Variants in NLGN1 observed in about 807,000 individuals in gnomAD.
NLGN1 encodes the protein neuroligin 1, also known as neuroligin-1.
A neutral mutation model predicts 65.5 loss-of-function variants in NLGN1; 12 were observed. The observed-to-expected ratio is 0.18, with a 90% CI of 0.12 to 0.30. The LOEUF (loss-of-function observed/expected upper bound fraction) is 0.30, where lower values mean the gene tolerates loss of function less well. Among genes scored for constraint, NLGN1 ranks in the 10% least tolerant of loss-of-function variants. The pLI is 1.00. For missense variants in NLGN1, 750 were observed against 1,007.1 expected (o/e 0.74, Z 3.46); for synonymous variants, 350 against 359.5 (o/e 0.97, Z 0.30).
At chr3:173,804,972 G>GT (rs1258229046) in intron 3 of NLGN1, among the ~76,000 whole-genome samples, 2 of 152,142 alleles carry the variant, frequency 1.3e-5, no homozygotes, top group African/African-American at 4.8e-5. Flanking sequence ...GTTGCAATGA[G>GT]TTGAGATCAC....
intron 4 of NLGN1, among the ~76,000 whole-genome samples, chr3:174,068,954 G>A (rs1214561666): frequency 6.6e-6 from 1 of 152,172 alleles, no homozygotes; most frequent in Non-Finnish European, 1.5e-5. Context: ...CATGCCACGT[G>A]AGAGAAATGA....
intron 4 of NLGN1, among the ~76,000 whole-genome samples, chr3:174,234,408 C>T (rs1741279182): frequency 1.3e-5 from 2 of 152,118 alleles, no homozygotes; most frequent in South Asian, 4.1e-4. Context: ...GGGAGGGAAG[C>T]ATGTGCAGTG....
At chr3:174,081,630 G>T (rs533516344) in intron 4 of NLGN1, among the ~76,000 whole-genome samples, 1 of 134,496 alleles carries the variant, frequency 7.4e-6, no homozygotes, top group African/African-American at 2.9e-5. Flanking sequence ...ACAGAGTTTC[G>T]CTCTTGTTGC....
At chr3:174,037,911 A>G (rs749234027) in intron 4 of NLGN1, among the ~76,000 whole-genome samples, 11 of 152,108 alleles carry the variant, frequency 7.2e-5, no homozygotes, top group African/African-American at 1.4e-4. Flanking sequence ...TATGAGGACT[A>G]TGGTTTTAAC....
chr3:173,405,429 C>T (rs1239351029), intron 1 of NLGN1, among the ~76,000 whole-genome samples: 1 of 151,820 alleles, frequency 6.6e-6, no homozygotes, highest in Non-Finnish European at 1.5e-5. Context: ...TACTGCTTGG[C>T]CATAAGAAAT....
At chr3:173,951,485 C>G (rs191011643) in intron 4 of NLGN1, among the ~76,000 whole-genome samples, 1 of 143,164 alleles carries the variant, frequency 7.0e-6, no homozygotes, top group African/African-American at 2.6e-5. Context: ...TGTTTTGAGA[C>G]GGAGTCTTGC....
intron 3 of NLGN1, among the ~76,000 whole-genome samples, chr3:173,732,407 A>G (rs1022086167): frequency 2.6e-5 from 4 of 152,252 alleles, no homozygotes; most frequent in Non-Finnish European, 2.9e-5. Flanking sequence ...TACACAGTTA[A>G]TGTAGCCCTA....
intron 4 of NLGN1, among the ~76,000 whole-genome samples, chr3:174,233,515 T>G (rs1162060745): frequency 9.6e-6 from 1 of 103,886 alleles, no homozygotes; most frequent in Non-Finnish European, 2.2e-5. Flanking sequence ...ATAATAATAA[T>G]AATATAAAAA....
chr3:174,125,751 T>C (rs1718808125), intron 4 of NLGN1, among the ~76,000 whole-genome samples: 1 of 152,098 alleles, frequency 6.6e-6, no homozygotes, highest in African/African-American at 2.4e-5. Context: ...AACTTGGCAC[T>C]GAGTCCCAAA....
chr3:174,039,648 G>A (rs764647519), intron 4 of NLGN1, among the ~76,000 whole-genome samples: 38 of 152,148 alleles, frequency 2.5e-4, no homozygotes, highest in Non-Finnish European at 4.7e-4. Context: ...AGTTATTGGA[G>A]CTCGCTTATT....
intron 4 of NLGN1, among the ~76,000 whole-genome samples, chr3:174,067,250 G>T (rs764109403): frequency 6.6e-6 from 1 of 151,992 alleles, no homozygotes; most frequent in Non-Finnish European, 1.5e-5. Context: ...TACCTCCAAA[G>T]CTCCATTAAA....
intron 3 of NLGN1, among the ~76,000 whole-genome samples, chr3:173,765,052 ATGTGTGTGTGTGTGTGTGTGTGTG>A (rs55747253): frequency 1.0e-4 from 14 of 136,288 alleles, no homozygotes; most frequent in South Asian, 9.8e-4. Context: ...CTGTGGGTGC[ATGTGTGTGTGTGTGTGTGTGTGTG>A]TGTGTGTGTG....
intron 2 of NLGN1, among the ~76,000 whole-genome samples, chr3:173,539,459 G>T: frequency 7.0e-6 from 1 of 143,072 alleles, no homozygotes; most frequent in African/African-American, 2.6e-5. Flanking sequence ...ATACATACAT[G>T]TACATATGTA....
At chr3:173,950,119 C>G (rs1747924293) in intron 4 of NLGN1, among the ~76,000 whole-genome samples, 1 of 152,032 alleles carries the variant, frequency 6.6e-6, no homozygotes, top group Non-Finnish European at 1.5e-5. Context: ...TCTTTATTAT[C>G]TATAAATGCT....
At chr3:173,980,538 A>G (rs1433917715) in intron 4 of NLGN1, among the ~76,000 whole-genome samples, 7 of 152,192 alleles carry the variant, frequency 4.6e-5, no homozygotes, top group Non-Finnish European at 8.8e-5. Context: ...TTTAACGAAC[A>G]TCTTTGGGAA....
intron 4 of NLGN1, among the ~76,000 whole-genome samples, chr3:174,171,739 T>A (rs908512390): frequency 6.6e-6 from 1 of 152,122 alleles, no homozygotes; most frequent in Non-Finnish European, 1.5e-5. Flanking sequence ...TGTGAAACAT[T>A]TAGTTATATC....
chr3:174,061,868 G>A (rs529594449), intron 4 of NLGN1, among the ~76,000 whole-genome samples: 3 of 152,196 alleles, frequency 2.0e-5, no homozygotes, highest in South Asian at 4.1e-4. Context: ...TAAAAGTGCA[G>A]CAGTTGATTG....
chr3:174,129,389 A>G (rs911631040), intron 4 of NLGN1, among the ~76,000 whole-genome samples: 79 of 146,934 alleles, frequency 5.4e-4, no homozygotes, highest in African/African-American at 1.8e-3. Flanking sequence ...ACACACACAC[A>G]CACACACACA....
At chr3:173,555,872 A>G (rs1292637713) in intron 2 of NLGN1, among the ~76,000 whole-genome samples, 1 of 152,194 alleles carries the variant, frequency 6.6e-6, no homozygotes, top group African/African-American at 2.4e-5. Context: ...CTTTTAAAAG[A>G]TTGACATTAT....
Sources: allele counts gnomAD v4.1 joint callset (sites outside exome capture counted in the v4.1 genomes callset), GRCh38; gene constraint gnomAD v4.1.1; transcripts MANE v1.5; gene names NCBI Gene and HGNC (gene_info 2026-07-23, HGNC 2026-07-21).